Variants in ZC3H18 observed in about 807,000 individuals in gnomAD.
ZC3H18 encodes zinc finger CCCH domain-containing protein 18.
Under a neutral mutation model 106.1 loss-of-function variants are expected in ZC3H18, and 8 were observed. That is an observed-to-expected ratio of 0.08 (90% CI 0.04 to 0.14). The LOEUF (loss-of-function observed/expected upper bound fraction) is 0.14. Ranked by LOEUF, ZC3H18 falls within the 10% of genes least tolerant of loss-of-function variation. ZC3H18 has a pLI of 1.00. For missense variants in ZC3H18, 1,318 were observed against 1,278.4 expected, an observed-to-expected ratio of 1.03 and a Z score of -0.47; for synonymous variants, 635 against 522.1, an observed-to-expected ratio of 1.22 and a Z score of -2.95.
Position 88,604,664 on chromosome 16 carries a change from C to T in ZC3H18, c.1089-4270C>T, listed in dbSNP as rs547839270. ...TGGCGCCACTGCACTCCAGCCTGGG[C>T]GACAGAGCAAGACTCCATCTCAAAG... On this transcript the variant is annotated intron_variant, in intron 6 of 17. Coordinates refer to ENST00000301011, the MANE Select transcript of ZC3H18 (RefSeq NM_144604.4). Among the ~76,000 whole-genome samples the T allele has an allele frequency of 6.6e-5, 10 of 151,918 alleles. No individual in the cohort carries two copies. In the East Asian group the frequency reaches 7.7e-4, roughly 12 times the overall value.
rs1906377434 is a variant in ZC3H18, at chr16:88,627,405, A to G, written c.2109-217A>G. 3.8e-6 allele frequency: 2 copies of G among 529,848 alleles called. No individual in the cohort carries two copies. Among genetic ancestry groups the G allele is most frequent in the Non-Finnish European group, 6.5e-6 (2 of 309,414 alleles). 32.8% of individuals were successfully genotyped at this position (529,848 alleles called of 1,614,324 possible). ...GGCGTGAGCAGCCGTGCCTGGCTGC[A>G]ACCTGACATTGATTAGTGAAATGGG... On this transcript the variant is annotated intron_variant, in intron 13 of 17. Transcript: ENST00000301011. The surrounding 1 kb of genome is among the most constrained non-coding windows in gnomAD (Gnocchi z 4.5).
intron 1 of ZC3H18, among the ~76,000 whole-genome samples, chr16:88,576,114 A>T (rs955629738): frequency 9.2e-5 from 14 of 152,016 alleles, no homozygotes; most frequent in African/African-American, 3.1e-4. Context: ...GTTAGCCAGG[A>T]TGGTCTCGAT....
At chr16:88,586,493 G>T in intron 2 of ZC3H18, 107 bp from the exon 3 acceptor site, 2 of 894,566 alleles carry the variant, frequency 2.2e-6, no homozygotes, top group South Asian at 2.8e-5. Context: ...CAATTCCTGT[G>T]ACAATATCCA....
At chr16:88,584,954 T>G (rs1374216098) in intron 2 of ZC3H18, among the ~76,000 whole-genome samples, 6 of 152,260 alleles carry the variant, frequency 3.9e-5, no homozygotes, top group African/African-American at 1.4e-4. Flanking sequence ...AAATGAGTTT[T>G]GTTTTTCTCA....
At chr16:88,611,757 T>C (rs1905286769) in intron 8 of ZC3H18, among the ~76,000 whole-genome samples, 1 of 152,224 alleles carries the variant, frequency 6.6e-6, no homozygotes, top group Non-Finnish European at 1.5e-5. Context: ...CCTGAGCTCC[T>C]GGGAGGCTGT....
chr16:88,624,194 G>A, intron 11 of ZC3H18, 132 bp downstream of exon 11: 1 of 1,275,814 alleles, frequency 7.8e-7, no homozygotes. Context: ...CTGGCCCCAG[G>A]GGGTGACTGG....
chr16:88,576,504 T>A (rs1467375540), intron 1 of ZC3H18, among the ~76,000 whole-genome samples: 1 of 152,008 alleles, frequency 6.6e-6, no homozygotes, highest in Non-Finnish European at 1.5e-5. Flanking sequence ...GAGGGGCCAG[T>A]GAACACGCAG....
chr16:88,575,799 C>T (rs1914711800), intron 1 of ZC3H18, among the ~76,000 whole-genome samples: 1 of 151,838 alleles, frequency 6.6e-6, no homozygotes, highest in Non-Finnish European at 1.5e-5. Context: ...CTGCAGCCTC[C>T]ACCTCCTGGG....
At chr16:88,602,802 C>A (rs1208115805) in intron 6 of ZC3H18, among the ~76,000 whole-genome samples, 1 of 152,166 alleles carries the variant, frequency 6.6e-6, no homozygotes, top group Non-Finnish European at 1.5e-5. Flanking sequence ...CGTTAGCCAC[C>A]TGATGTTGAG....
chr16:88,587,722 A>AGGG (rs1915518700), intron 3 of ZC3H18: 2 of 1,145,206 alleles, frequency 1.7e-6, no homozygotes, highest in Admixed American at 4.4e-5. Flanking sequence ...CCAGAAGGAA[A>AGGG]GGGGGTCTTT....
intron 3 of ZC3H18, among the ~76,000 whole-genome samples, chr16:88,591,970 T>C (rs1915780780): frequency 6.6e-6 from 1 of 152,228 alleles, no homozygotes; most frequent in Admixed American, 6.5e-5. Flanking sequence ...TTTCATCTTT[T>C]GAGGAACCGC....
Position 88,608,940 on chromosome 16 carries a change from G to C in ZC3H18, c.1095G>C (p.Glu365Asp), listed in dbSNP as rs1007663834. 1.2e-6 allele frequency: 2 copies of C among 1,611,718 alleles called. No individual in the cohort carries two copies. Among genetic ancestry groups the C allele is most frequent in the African/African-American group, 1.3e-5 (1 of 74,808 alleles). The change falls in exon 7 of 18, where the codon GAG (glutamate) becomes GAC (aspartate). Residue 365 changes from glutamate (E) to aspartate (D), a missense_variant. Physicochemically the swap from Glu to Asp is conservative, Grantham distance 45 (BLOSUM62 2). Coordinates refer to ENST00000301011, the MANE Select transcript of ZC3H18 (RefSeq NM_144604.4). ...IPRDVRDTVL[E>D]PYADPYYDYE... Reference sequence around the variant, plus strand: ...TTTCATTGGCCCTTTTCAGACTCGAGCCTTACGCAGACCCTTATTATGACT... The same window carrying C: ...TTTCATTGGCCCTTTTCAGACTCGACCCTTACGCAGACCCTTATTATGACT...
intron 9 of ZC3H18, 90 bp from the exon 10 acceptor site, chr16:88,623,129 G>A (rs1906073201): frequency 3.9e-6 from 6 of 1,523,188 alleles, no homozygotes; most frequent in Non-Finnish European, 5.3e-6. Flanking sequence ...GTGCGTCTGT[G>A]GGTGTGTAGC....
chr16:88,603,212 T>C (rs999299883), intron 6 of ZC3H18, among the ~76,000 whole-genome samples: 3 of 152,042 alleles, frequency 2.0e-5, no homozygotes, highest in African/African-American at 7.2e-5. Flanking sequence ...GTGATCTGCC[T>C]GCCTCGGCCT....
intron 8 of ZC3H18, among the ~76,000 whole-genome samples, chr16:88,615,759 G>C (rs997538121): frequency 1.3e-5 from 2 of 152,178 alleles, no homozygotes; most frequent in African/African-American, 4.8e-5. Flanking sequence ...TGGCTTATGG[G>C]CACACGTGCC....
intron 15 of ZC3H18, 105 bp downstream of exon 15, chr16:88,628,224 G>T (rs1399319708): frequency 1.5e-6 from 2 of 1,309,498 alleles, no homozygotes; most frequent in African/African-American, 1.5e-5. Context: ...GTGAGGGCGA[G>T]TGGGGCCTTG....
intron 6 of ZC3H18, among the ~76,000 whole-genome samples, chr16:88,601,128 G>A (rs1904729278): frequency 6.6e-6 from 1 of 152,268 alleles, no homozygotes; most frequent in African/African-American, 2.4e-5. Flanking sequence ...GGGGGAGGAA[G>A]CCCCAGTGGC....
At chr16:88,630,242 A>G in intron 16 of ZC3H18, 1 of 493,802 alleles carries the variant, frequency 2.0e-6, no homozygotes, top group South Asian at 3.1e-5. Context: ...TCTCTGCGTG[A>G]GATATTGGCT....
chr16:88,615,021 G>T (rs59568789), intron 8 of ZC3H18, among the ~76,000 whole-genome samples: 1 of 62,096 alleles, frequency 1.6e-5, no homozygotes, highest in Non-Finnish European at 3.3e-5. Context: ...TTCCCTCTGC[G>T]TTTGACAGGC....
Sources: gnomAD v4.1 joint callset for allele counts (sites outside exome capture counted in the v4.1 genomes callset) on GRCh38, gnomAD v4.1.1 for gene constraint, Gnocchi (gnomAD v3.1) non-coding constraint, MANE v1.5 for transcripts, NCBI Gene and HGNC (gene_info 2026-07-23, HGNC 2026-07-21) for gene names.